The following PRR11 variants were observed in gnomAD, a reference collection of about 807,000 sequenced individuals.
The protein encoded by PRR11 is proline-rich protein 11.
PRR11 carries 30 observed loss-of-function variants against 45.6 expected under a neutral mutation model. The ratio of observed to expected loss-of-function variants is 0.66; its 90% confidence interval spans 0.49 to 0.89. The LOEUF is 0.89. PRR11 is among the 40% of genes least tolerant of loss of function. PRR11 has a pLI of 0.00. For missense variants in PRR11, 373 were observed against 424.8 expected, an observed-to-expected ratio of 0.88 and a Z score of 1.07; for synonymous variants, 128 against 153.5, an observed-to-expected ratio of 0.83 and a Z score of 1.23.
chr17:59,186,940 C>A (rs1323403542), intron 4 of PRR11, among the ~76,000 whole-genome samples: 3 of 152,174 alleles, frequency 2.0e-5, no homozygotes, highest in African/African-American at 7.2e-5. Flanking sequence ...ATAATCCCAG[C>A]TACTCAAGAA....
chr17:59,176,631 C>G (rs963764775), intron 2 of PRR11, among the ~76,000 whole-genome samples: 3 of 133,678 alleles, frequency 2.2e-5, no homozygotes, highest in African/African-American at 8.7e-5. Context: ...TTTATGGTTC[C>G]TTTTGTTTTA....
At position 59,200,778 on chromosome 17, in the gene PRR11, C is replaced by T. The variant is rs2046888682; in HGVS notation, c.1015-785C>T. On this transcript the variant is annotated intron_variant, in intron 9 of 9. Coordinates refer to ENST00000262293, the MANE Select transcript of PRR11 (RefSeq NM_018304.4). ...AAGTGCTGGGATTACAGGCGTGAGC[C>T]ACCGGGCCCAGCCTGTTTTTTTAAA... Among the ~76,000 whole-genome samples the T allele has an allele frequency of 2.0e-5, 3 of 152,116 alleles. No homozygotes were observed. In the South Asian group the frequency reaches 6.2e-4, roughly 32 times the overall value.
chr17:59,162,769 C>T (rs1259983290), intron 1 of PRR11, among the ~76,000 whole-genome samples: 1 of 132,440 alleles, frequency 7.6e-6, no homozygotes, highest in East Asian at 2.2e-4. Flanking sequence ...ACTCTTGTTG[C>T]CCAGGCTGGA....
chr17:59,177,921 G>A lies in PRR11; in HGVS notation c.129-7133G>A, dbSNP rs1205429604. On this transcript the variant is annotated intron_variant, in intron 2 of 9. Transcript: ENST00000262293. ...TCAGGAGGCTGAGGCAGGATTGCAA[G>A]AGCCCAGGAATTAGAGGCTGTGGTG... Among the ~76,000 whole-genome samples, 3 of 151,012 alleles carry A rather than the reference G, an allele frequency of 2.0e-5. No individual in the cohort carries two copies. In the East Asian group the frequency reaches 5.9e-4, roughly 29 times the overall value.
intron 2 of PRR11, among the ~76,000 whole-genome samples, chr17:59,183,437 T>C (rs934882100): frequency 1.3e-5 from 2 of 152,234 alleles, no homozygotes; most frequent in Non-Finnish European, 2.9e-5. Flanking sequence ...GAACATTGAC[T>C]TGATGAAAAA....
intron 1 of PRR11, among the ~76,000 whole-genome samples, chr17:59,168,058 T>C (rs1568318453): frequency 6.6e-6 from 1 of 152,256 alleles, no homozygotes; most frequent in East Asian, 1.9e-4. Flanking sequence ...AACCAATCTT[T>C]CCCTATTCCT....
At chr17:59,162,689 A>C (rs1467955296) in intron 1 of PRR11, among the ~76,000 whole-genome samples, 1 of 147,118 alleles carries the variant, frequency 6.8e-6, no homozygotes, top group Non-Finnish European at 1.5e-5. Context: ...CACTATATAA[A>C]TTTAGACAAA....
chr17:59,200,923 C>T (rs1217003738), intron 9 of PRR11, among the ~76,000 whole-genome samples: 1 of 152,094 alleles, frequency 6.6e-6, no homozygotes, highest in Non-Finnish European at 1.5e-5. Context: ...CCGTCCTCGG[C>T]CCACAACTAT....
chr17:59,198,681 A>C (rs546896460), intron 9 of PRR11, among the ~76,000 whole-genome samples: 1 of 150,684 alleles, frequency 6.6e-6, no homozygotes, highest in Non-Finnish European at 1.5e-5. Flanking sequence ...CTCAAAAAAA[A>C]AAAAAATTAG....
intron 1 of PRR11, among the ~76,000 whole-genome samples, chr17:59,159,500 C>T (rs2046641443): frequency 6.6e-6 from 1 of 152,200 alleles, no homozygotes; most frequent in African/African-American, 2.4e-5. Flanking sequence ...TAAGTGGTCT[C>T]TTTGTCTTCA....
chr17:59,174,443 G>C (rs1181885825), intron 2 of PRR11, among the ~76,000 whole-genome samples: 2 of 152,146 alleles, frequency 1.3e-5, no homozygotes, highest in Admixed American at 6.5e-5. Flanking sequence ...GGTAACTCAA[G>C]TGTGTCAATC....
intron 1 of PRR11, among the ~76,000 whole-genome samples, chr17:59,166,762 T>G (rs1396242754): frequency 6.6e-6 from 1 of 152,194 alleles, no homozygotes; most frequent in African/African-American, 2.4e-5. Flanking sequence ...GACATTTGTA[T>G]AAAAAATTCA....
At chr17:59,176,785 C>T (rs912090405) in intron 2 of PRR11, among the ~76,000 whole-genome samples, 1 of 142,762 alleles carries the variant, frequency 7.0e-6, no homozygotes, top group Non-Finnish European at 1.5e-5. Context: ...CAATGTCTGC[C>T]TCCTGGGTTC....
intron 7 of PRR11, among the ~76,000 whole-genome samples, chr17:59,197,136 C>T (rs760145004): frequency 3.3e-5 from 5 of 152,116 alleles, no homozygotes; most frequent in South Asian, 2.1e-4. Flanking sequence ...CGTGAGCCAC[C>T]GCACCCTGCT....
rs1385626932 is a variant in PRR11, at chr17:59,202,511, CT to C, written c.*881del. 6.6e-6 allele frequency: 1 copy of C among 151,792 alleles called. No homozygotes were observed. Among genetic ancestry groups the C allele is most frequent in the Non-Finnish European group, 1.5e-5 (1 of 67,956 alleles). The allele number at this position is 151,792 out of a possible 1,614,324, so 9.4% of individuals were successfully genotyped here. On this transcript the variant is annotated 3_prime_UTR_variant, in exon 10 of 10. Transcript: ENST00000262293. The stretch of plus-strand genomic sequence containing the variant: ...AGGCTGTAGTGCACTATAATTATGC[CT>C]GTGAATAGCCACTCTACTCCAGCCT...
intron 1 of PRR11, among the ~76,000 whole-genome samples, chr17:59,165,653 G>A (rs919137916): frequency 1.3e-5 from 2 of 151,972 alleles, no homozygotes; most frequent in African/African-American, 2.4e-5. Context: ...TTAGCCGGGC[G>A]TGGTGGTGCA....
intron 2 of PRR11, chr17:59,179,825 C>T (rs1427233278): frequency 5.2e-6 from 7 of 1,350,240 alleles, no homozygotes; most frequent in African/African-American, 1.4e-5. Flanking sequence ...CGACCACTCC[C>T]TCTTCCTTTT....
intron 4 of PRR11, among the ~76,000 whole-genome samples, chr17:59,192,531 G>A (rs577238904): frequency 6.6e-6 from 1 of 152,288 alleles, no homozygotes; most frequent in East Asian, 1.9e-4. Context: ...TCACAGTCTG[G>A]AAGCAAGAAG....
At chr17:59,170,063 G>A (rs1238380885) in intron 2 of PRR11, among the ~76,000 whole-genome samples, 183 bp downstream of exon 2, 1 of 152,080 alleles carries the variant, frequency 6.6e-6, no homozygotes, top group Non-Finnish European at 1.5e-5. Flanking sequence ...GACCAGCCTG[G>A]CCAATGTGGC....
Sources: gnomAD v4.1 joint callset for allele counts (sites outside exome capture counted in the v4.1 genomes callset) on GRCh38, gnomAD v4.1.1 for gene constraint, MANE v1.5 for transcripts, NCBI Gene and HGNC (gene_info 2026-07-23, HGNC 2026-07-21) for gene names.